ZNF865: variants seen among roughly 807,000 people sequenced by gnomAD.
ZNF865 encodes the protein zinc finger protein 865.
For missense variants in ZNF865, 1,311 were observed against 1,593.4 expected, an observed-to-expected ratio of 0.82 and a Z score of 3.02; for synonymous variants, 763 against 750.8, an observed-to-expected ratio of 1.02 and a Z score of -0.27.
At position 55,615,133 on chromosome 19, in the gene ZNF865, G is replaced by A. The variant is rs1981302750; in HGVS notation, c.1515G>A (p.Lys505=). Residue 505 remains lysine (K), a synonymous_variant, in exon 2 of 2, where the codon AAG becomes AAA. Transcript: ENST00000568956. ...PPDPPTTDSE[K]AAAAAAAVVY... Reference sequence around the variant, plus strand: ...ACCCTCCCACCACAGACAGCGAGAAGGCGGCGGCGGCCGCGGCGGCGGTGG... The same window carrying A: ...ACCCTCCCACCACAGACAGCGAGAAAGCGGCGGCGGCCGCGGCGGCGGTGG... 3.4e-6 allele frequency: 4 copies of A among 1,186,964 alleles called. No homozygotes were observed. Among genetic ancestry groups the A allele is most frequent in the Non-Finnish European group, 3.1e-6 (3 of 959,438 alleles). 73.5% of individuals were successfully genotyped at this position (1,186,964 alleles called of 1,614,324 possible). A position where few individuals can be genotyped will look rare whatever the true frequency, so the allele number is the denominator to read the frequency against.
Position 55,614,616 on chromosome 19 carries a change from C to T in ZNF865, c.998C>T (p.Pro333Leu). 1 of 1,528,436 alleles carries T rather than the reference C, an allele frequency of 6.5e-7. No homozygotes were observed. Among genetic ancestry groups the T allele is most frequent in the Non-Finnish European group, 8.7e-7 (1 of 1,143,406 alleles). The allele number at this position is 1,528,436 out of a possible 1,614,324, so 94.7% of individuals were successfully genotyped here. The part of the protein sequence containing the change: ...PAPSADGSAA[P>L]AGVGVPPPAT... Reference sequence around the variant, plus strand: ...CCCTCCGCAGACGGGAGCGCCGCCCCTGCTGGTGTTGGGGTGCCCCCTCCT... The same window carrying T: ...CCCTCCGCAGACGGGAGCGCCGCCCTTGCTGGTGTTGGGGTGCCCCCTCCT... The change falls in exon 2 of 2, where the codon CCT becomes CTT. Residue 333 changes from proline to leucine, a missense_variant. Transcript: ENST00000568956. The surrounding 1 kb of genome is among the most constrained non-coding windows in gnomAD (Gnocchi z 8.0).
In ZNF865 at chr19:55,616,595, G is replaced by A; in HGVS notation, c.2977G>A (p.Ala993Thr). 1.3e-6 allele frequency: 2 copies of A among 1,527,694 alleles called. No individual in the cohort carries two copies. Among genetic ancestry groups the A allele is most frequent in the Non-Finnish European group, 1.7e-6 (2 of 1,143,028 alleles). 94.6% of individuals were successfully genotyped at this position (1,527,694 alleles called of 1,614,324 possible). A position where few individuals can be genotyped will look rare whatever the true frequency, so the allele number is the denominator to read the frequency against. The change falls in exon 2 of 2, where the codon GCC becomes ACC. Residue 993 changes from alanine (A) to threonine (T), a missense_variant. Ala to Thr is a moderately conservative substitution (Grantham distance 58). Coordinates refer to ENST00000568956, the MANE Select transcript of ZNF865 (RefSeq NM_001195605.2). ...EPPRPELRCP[A>T]CLKAFKDPGY... is the part of the protein sequence containing the mutation. ...GCCGCGGCCCGAGCTCCGCTGCCCC[G>A]CCTGCCTCAAGGCCTTCAAGGATCC...
Position 55,613,806 on chromosome 19 carries a change from GC to G in ZNF865, c.194del (p.Pro65ArgfsTer98). On this transcript the variant is annotated frameshift_variant, in exon 2 of 2. Transcript: ENST00000568956. LOFTEE classifies it low-confidence loss of function (END_TRUNC). ...KAVAALPCAP[G>X]PPPQPPPQPP... The stretch of plus-strand genomic sequence containing the variant: ...GTGGCGGCCCTGCCCTGCGCCCCCG[GC>G]CCCCCGCCGCAGCCCCCGCCGCAGC... 1 of 1,456,316 alleles carries G rather than the reference GC, an allele frequency of 6.9e-7. No individual in the cohort carries two copies. Among genetic ancestry groups the G allele is most frequent in the African/African-American group, 1.4e-5 (1 of 69,828 alleles). The allele number at this position is 1,456,316 out of a possible 1,614,324, so 90.2% of individuals were successfully genotyped here. A position where few individuals can be genotyped will look rare whatever the true frequency, so the allele number is the denominator to read the frequency against.
Position 55,616,990 on chromosome 19 carries a change from C to T in ZNF865, c.*192C>T. ...CCCATCCTCGACCTCTCTGCCCTCC[C>T]CTCATCCCATCAGACACTGAACCCT... On this transcript the variant is annotated 3_prime_UTR_variant, in exon 2 of 2. Coordinates refer to ENST00000568956, the MANE Select transcript of ZNF865 (RefSeq NM_001195605.2). 1.9e-6 allele frequency: 1 copy of T among 526,322 alleles called. No homozygotes were observed. The highest frequency in any genetic ancestry group is 3.9e-5 in the Admixed American group (1 of 25,526). The allele number at this position is 526,322 out of a possible 1,614,324, so 32.6% of individuals were successfully genotyped here.
In ZNF865 at chr19:55,615,099, T is replaced by G. The variant is rs1981301273; in HGVS notation, c.1481T>G (p.Leu494Arg). ...ACCTTCCCCCCGGGCCCGTACCTCC[T>G]GCCCCCCGACCCTCCCACCACAGAC... Reference protein sequence around the residue: ...PPTFPPGPYLLPPDPPTTDSE... With the variant: ...PPTFPPGPYLRPPDPPTTDSE... The change falls in exon 2 of 2, where the codon CTG (leucine) becomes CGG (arginine). Residue 494 changes from leucine (L) to arginine (R), a missense_variant. Transcript: ENST00000568956. The G allele has an allele frequency of 4.1e-6, 3 of 733,028 alleles. No individual in the cohort carries two copies. Among genetic ancestry groups the G allele is most frequent in the Non-Finnish European group, 5.0e-6 (3 of 599,770 alleles). 45.4% of individuals were successfully genotyped at this position (733,028 alleles called of 1,614,324 possible).
intron 1 of ZNF865, among the ~76,000 whole-genome samples, chr19:55,608,548 A>G (rs1981023869): frequency 6.6e-6 from 1 of 152,112 alleles, no homozygotes; most frequent in Non-Finnish European, 1.5e-5. Flanking sequence ...TCCCGACCTC[A>G]GGTGATCCGC....
At position 55,617,034 on chromosome 19, in the gene ZNF865, G is replaced by A. The variant is rs1277322523; in HGVS notation, c.*236G>A. On this transcript the variant is annotated 3_prime_UTR_variant, in exon 2 of 2. Coordinates refer to ENST00000568956, the MANE Select transcript of ZNF865 (RefSeq NM_001195605.2). Reference sequence around the variant, plus strand: ...GAACCCTATCCTCCGTCCAACCCTCGTTTGTGACCCGCATCAGCCCCCGCC... The same window carrying A: ...GAACCCTATCCTCCGTCCAACCCTCATTTGTGACCCGCATCAGCCCCCGCC... 4 of 434,424 alleles carry A rather than the reference G, an allele frequency of 9.2e-6. No homozygotes were observed. The highest frequency in any genetic ancestry group is 3.6e-5 in the East Asian group (1 of 27,884). The allele number at this position is 434,424 out of a possible 1,614,324, so 26.9% of individuals were successfully genotyped here.
intron 1 of ZNF865, among the ~76,000 whole-genome samples, chr19:55,606,358 C>A (rs1201918983): frequency 1.4e-5 from 2 of 146,650 alleles, no homozygotes; most frequent in African/African-American, 5.5e-5. Flanking sequence ...TCAAAGCCAC[C>A]CCCCCATCGC....
At position 55,611,108 on chromosome 19, in the gene ZNF865, A is replaced by G. The variant is rs1223507504; in HGVS notation, c.-26-2485A>G. ...TTCAAGCCCATTGATCCAGACTCCT[A>G]CTCCGTGACCATGGCAACTCACTTT... is the stretch of plus-strand genomic sequence containing the variant. On this transcript the variant is annotated intron_variant, in intron 1 of 1. Transcript: ENST00000568956. The surrounding 1 kb of genome is among the most constrained non-coding windows in gnomAD (Gnocchi z 4.5). Among the ~76,000 whole-genome samples, 1 of 151,996 alleles carries G rather than the reference A, an allele frequency of 6.6e-6. No homozygotes were observed. The highest frequency in any genetic ancestry group is 1.5e-5 in the Non-Finnish European group (1 of 67,984).
At position 55,614,344 on chromosome 19, in the gene ZNF865, C is replaced by T; in HGVS notation, c.726C>T (p.His242=). Residue 242 remains histidine (H), a synonymous_variant, in exon 2 of 2, where the codon CAC becomes CAT. Coordinates refer to ENST00000568956, the MANE Select transcript of ZNF865 (RefSeq NM_001195605.2). The surrounding 1 kb of genome is among the most constrained non-coding windows in gnomAD (Gnocchi z 8.0). The part of the protein sequence containing the change: ...SFKQSSHLVQ[H]MLVHSGERPY... Reference sequence around the variant, plus strand: ...AGCAGTCCTCGCACCTGGTCCAGCACATGCTGGTGCACTCGGGGGAGAGGC... The same window carrying T: ...AGCAGTCCTCGCACCTGGTCCAGCATATGCTGGTGCACTCGGGGGAGAGGC... The T allele has an allele frequency of 6.7e-7, 1 of 1,492,480 alleles. No homozygotes were observed. Among genetic ancestry groups the T allele is most frequent in the Non-Finnish European group, 8.9e-7 (1 of 1,125,712 alleles). 92.5% of individuals were successfully genotyped at this position (1,492,480 alleles called of 1,614,324 possible). A position where few individuals can be genotyped will look rare whatever the true frequency, so the allele number is the denominator to read the frequency against.
In ZNF865 at chr19:55,614,066, G is replaced by A. The variant is rs1981245177; in HGVS notation, c.448G>A (p.Val150Met). Reference sequence around the variant, plus strand: ...TTTCCCCACTCCGCAGTGGGGCATCGTGGACCTCTCGGGGCACCAGCACTT... The same window carrying A: ...TTTCCCCACTCCGCAGTGGGGCATCATGGACCTCTCGGGGCACCAGCACTT... ...AAFPTPQWGI[V>M]DLSGHQHLFG... Residue 150 changes from valine to methionine, a missense_variant, in exon 2 of 2, where the codon GTG becomes ATG. By Grantham distance (21) the Val-to-Met change is conservative. Coordinates refer to ENST00000568956, the MANE Select transcript of ZNF865 (RefSeq NM_001195605.2). This position sits in a 1 kb window ranked among gnomAD's most constrained non-coding sequence, Gnocchi z 8.0. 6.8e-7 allele frequency: 1 copy of A among 1,460,044 alleles called. No individual in the cohort carries two copies. Among genetic ancestry groups the A allele is most frequent in the South Asian group, 1.4e-5 (1 of 71,848 alleles). The allele number at this position is 1,460,044 out of a possible 1,614,324, so 90.4% of individuals were successfully genotyped here.
rs963482207 is a variant in ZNF865, at chr19:55,613,444, G to T, written c.-26-149G>T. 3.5e-5 allele frequency: 24 copies of T among 683,580 alleles called. No individual in the cohort carries two copies. The East Asian group carries it at 7.4e-4, about 21-fold the overall frequency. The allele number at this position is 683,580 out of a possible 1,614,324, so 42.3% of individuals were successfully genotyped here. A position where few individuals can be genotyped will look rare whatever the true frequency, so the allele number is the denominator to read the frequency against. On this transcript the variant is annotated intron_variant, in intron 1 of 1. Coordinates refer to ENST00000568956, the MANE Select transcript of ZNF865 (RefSeq NM_001195605.2). ...AGCCAAGAGGAAGGGCTGCCCTTTGGGGTGGACAGGCAGAGGGACTGGAAG... is the reference window on the plus strand; with the variant it reads ...AGCCAAGAGGAAGGGCTGCCCTTTGTGGTGGACAGGCAGAGGGACTGGAAG...
Position 55,614,028 on chromosome 19 carries a change from T to A in ZNF865, c.410T>A (p.Leu137His). ...GCCTTCGGGGCGCCCCCTCCTCCCC[T>A]CTTTGACGCTGCTTTCCCCACTCCG... ...PPAFGAPPPP[L>H]FDAAFPTPQW... Residue 137 changes from leucine (L) to histidine (H), a missense_variant, in exon 2 of 2, where the codon CTC becomes CAC. Physicochemically the swap from Leu to His is moderately conservative, Grantham distance 99. Coordinates refer to ENST00000568956, the MANE Select transcript of ZNF865 (RefSeq NM_001195605.2). This position sits in a 1 kb window ranked among gnomAD's most constrained non-coding sequence, Gnocchi z 8.0. 2 of 1,491,150 alleles carry A rather than the reference T, an allele frequency of 1.3e-6. No homozygotes were observed. Among genetic ancestry groups the A allele is most frequent in the Non-Finnish European group, 1.8e-6 (2 of 1,124,038 alleles). 92.4% of individuals were successfully genotyped at this position (1,491,150 alleles called of 1,614,324 possible).
chr19:55,613,508 T>C, intron 1 of ZNF865, 85 bp from the exon 2 acceptor site: 2 of 1,240,318 alleles, frequency 1.6e-6, no homozygotes, highest in Non-Finnish European at 2.2e-6. Context: ...CGCACAAGGA[T>C]GGATGAGTGG....
chr19:55,610,369 T>C (rs1458636823), intron 1 of ZNF865, among the ~76,000 whole-genome samples: 1 of 152,194 alleles, frequency 6.6e-6, no homozygotes, highest in Non-Finnish European at 1.5e-5. Flanking sequence ...CAAGCGATTC[T>C]CCTGCCTCAG....
rs1442107185 is a variant in ZNF865 at position 55,616,349 on chromosome 19, A to C, written c.2731A>C (p.Lys911Gln). Reference protein sequence around the residue: ...ERAFKCGVCAKRFAQSSSLAE... With the variant: ...ERAFKCGVCAQRFAQSSSLAE... ...GGCCTTCAAGTGCGGCGTGTGCGCCAAGCGCTTCGCGCAGTCGTCCAGCCT... is the reference window on the plus strand; with the variant it reads ...GGCCTTCAAGTGCGGCGTGTGCGCCCAGCGCTTCGCGCAGTCGTCCAGCCT... The change falls in exon 2 of 2, where the codon AAG (lysine) becomes CAG (glutamine). Residue 911 changes from lysine (K) to glutamine (Q), a missense_variant. By Grantham distance (53) the Lys-to-Gln change is moderately conservative. Transcript: ENST00000568956. 10 of 1,522,630 alleles carry C rather than the reference A, an allele frequency of 6.6e-6. No homozygotes were observed. In the South Asian group the frequency reaches 1.1e-4, roughly 17 times the overall value. The allele number at this position is 1,522,630 out of a possible 1,614,324, so 94.3% of individuals were successfully genotyped here. A position where few individuals can be genotyped will look rare whatever the true frequency, so the allele number is the denominator to read the frequency against.
chr19:55,616,873 C>G lies in ZNF865; in HGVS notation c.*75C>G. The G allele has an allele frequency of 7.3e-7, 1 of 1,364,642 alleles. No homozygotes were observed. The highest frequency in any genetic ancestry group is 1.5e-5 in the African/African-American group (1 of 66,504). The allele number at this position is 1,364,642 out of a possible 1,614,324, so 84.5% of individuals were successfully genotyped here. A position where few individuals can be genotyped will look rare whatever the true frequency, so the allele number is the denominator to read the frequency against. On this transcript the variant is annotated 3_prime_UTR_variant, in exon 2 of 2. Transcript: ENST00000568956. ...ACCTCCCAGGACTGATCAGACTCTT[C>G]CCCCCTCCTCGCTGTTGCCCCATCC...
Position 55,615,145 on chromosome 19 carries a change from C to T in ZNF865, c.1527C>T (p.Ala509=). ...CAGACAGCGAGAAGGCGGCGGCGGC[C>T]GCGGCGGCGGTGGTGTACGGCGCTG... is the stretch of plus-strand genomic sequence containing the variant. The part of the protein sequence containing the change: ...PTTDSEKAAA[A]AAAVVYGAVP... Residue 509 remains alanine (A), a synonymous_variant, in exon 2 of 2, where the codon GCC becomes GCT. Transcript: ENST00000568956. The T allele has an allele frequency of 2.5e-6, 3 of 1,200,098 alleles. No individual in the cohort carries two copies. The highest frequency in any genetic ancestry group is 2.1e-6 in the Non-Finnish European group (2 of 966,460). The allele number at this position is 1,200,098 out of a possible 1,614,324, so 74.3% of individuals were successfully genotyped here.
chr19:55,615,905 G>A lies in ZNF865; in HGVS notation c.2287G>A (p.Ala763Thr), dbSNP rs988127407. The change falls in exon 2 of 2, where the codon GCA (alanine) becomes ACA (threonine). Residue 763 changes from alanine to threonine, a missense_variant. Coordinates refer to ENST00000568956, the MANE Select transcript of ZNF865 (RefSeq NM_001195605.2). ...LAGEVGAAVA[A>T]LAGVSGGEDA... ...GGGGGAGGTGGGGGCGGCCGTGGCGGCACTGGCAGGGGTGTCTGGGGGTGA... is the reference window on the plus strand; with the variant it reads ...GGGGGAGGTGGGGGCGGCCGTGGCGACACTGGCAGGGGTGTCTGGGGGTGA... The A allele has an allele frequency of 8.1e-6, 12 of 1,475,832 alleles. No individual in the cohort carries two copies. Among genetic ancestry groups the A allele is most frequent in the Non-Finnish European group, 9.8e-6 (11 of 1,121,366 alleles). 91.4% of individuals were successfully genotyped at this position (1,475,832 alleles called of 1,614,324 possible).
Sources: allele counts gnomAD v4.1 joint callset (sites outside exome capture counted in the v4.1 genomes callset), GRCh38; gene constraint gnomAD v4.1.1; non-coding constraint Gnocchi (gnomAD v3.1); transcripts MANE v1.5; gene names NCBI Gene and HGNC (gene_info 2026-07-23, HGNC 2026-07-21).